BCL7C: variants seen among roughly 807,000 people sequenced by gnomAD.
BCL7C encodes the protein BAF chromatin remodeling complex subunit BCL7C.
Under a neutral mutation model 26.2 loss-of-function variants are expected in BCL7C, and 8 were observed. That is an observed-to-expected ratio of 0.30 (90% CI 0.18 to 0.55). The LOEUF (loss-of-function observed/expected upper bound fraction) is 0.55. BCL7C is among the 20% of genes least tolerant of loss of function. BCL7C has a pLI of 0.93. For missense variants in BCL7C, 262 were observed against 298.5 expected, an observed-to-expected ratio of 0.88 and a Z score of 0.90; for synonymous variants, 90 against 116.5, an observed-to-expected ratio of 0.77 and a Z score of 1.47.
intron 5 of BCL7C, among the ~76,000 whole-genome samples, chr16:30,866,536 C>T (rs1308550390): frequency 6.8e-6 from 1 of 147,160 alleles, no homozygotes; most frequent in Non-Finnish European, 1.5e-5. Context: ...AAGATCGGGC[C>T]ACTGCACTCC....
At chr16:30,849,760 C>T (rs28810190) in intron 5 of BCL7C, among the ~76,000 whole-genome samples, 6 of 141,554 alleles carry the variant, frequency 4.2e-5, no homozygotes, top group Non-Finnish European at 1.5e-5. Flanking sequence ...CTCCTTTTTT[C>T]TTTTTTTTTT....
Position 30,893,528 on chromosome 16 carries a change from C to T in BCL7C, c.93-238G>A, listed in dbSNP as rs2143197913. ...GCCCTGGCTCTGCGGACCCCTGGGG[C>T]ACACATGGGGGGCGTGGCTATGGGC... On this transcript the variant is annotated intron_variant, in intron 1 of 5. Coordinates refer to ENST00000215115, the MANE Select transcript of BCL7C (RefSeq NM_004765.4). The surrounding 1 kb of genome is among the most constrained non-coding windows in gnomAD (Gnocchi z 5.2). 6.6e-6 allele frequency among the ~76,000 whole-genome samples: 1 copy of T among 152,196 alleles called. No individual in the cohort carries two copies. Among genetic ancestry groups the T allele is most frequent in the East Asian group, 1.9e-4 (1 of 5,176 alleles).
chr16:30,883,896 C>T (rs1267719515), downstream of BCL7C, among the ~76,000 whole-genome samples: 10 of 145,772 alleles, frequency 6.9e-5, no homozygotes, highest in Non-Finnish European at 1.4e-4. Flanking sequence ...GAGGCCAAGG[C>T]GGGCGGATCA....
At position 30,887,869 on chromosome 16, in the gene BCL7C, G is replaced by T; in HGVS notation, c.650C>A (p.Pro217His). Residue 217 changes from proline (P) to histidine (H), a missense_variant, in exon 6 of 6, where the codon CCC (proline) becomes CAC (histidine). Physicochemically the swap from Pro to His is moderately conservative, Grantham distance 77. Coordinates refer to ENST00000215115, the MANE Select transcript of BCL7C (RefSeq NM_004765.4). Reference protein sequence around the residue: ...LKRICPNAPDP With the variant: ...LKRICPNAPDH ...CAGGACAGGCAGGCCGGCTTCTCAG[G>T]GGTCAGGGGCATTTGGGCAGATGCG... 2 of 1,578,586 alleles carry T rather than the reference G, an allele frequency of 1.3e-6. No homozygotes were observed. Among genetic ancestry groups the T allele is most frequent in the Non-Finnish European group, 1.7e-6 (2 of 1,165,700 alleles).
chr16:30,851,857 A>T, intron 5 of BCL7C: 1 of 252,988 alleles, frequency 4.0e-6, no homozygotes, highest in Non-Finnish European at 7.9e-6. Flanking sequence ...ACTTTTTGTC[A>T]CACATCACAA....
chr16:30,844,828 T>C (rs1285777218), intron 5 of BCL7C, among the ~76,000 whole-genome samples: 1 of 152,202 alleles, frequency 6.6e-6, no homozygotes, highest in Non-Finnish European at 1.5e-5. Flanking sequence ...CGGGCTGGAC[T>C]TCTAATACAT....
At chr16:30,888,619 G>C (rs921851232) in intron 5 of BCL7C, 2 of 347,376 alleles carry the variant, frequency 5.8e-6, no homozygotes, top group South Asian at 8.4e-5. Context: ...ACAGGCGTGA[G>C]CCACCACGCC....
chr16:30,848,230 G>C (rs540391811), intron 5 of BCL7C, among the ~76,000 whole-genome samples: 12 of 152,286 alleles, frequency 7.9e-5, no homozygotes, highest in Middle Eastern at 6.8e-3. Context: ...TTTATCATGT[G>C]TACTCTATCA....
At chr16:30,856,885 T>A (rs530395911) in intron 5 of BCL7C, among the ~76,000 whole-genome samples, 5 of 152,340 alleles carry the variant, frequency 3.3e-5, no homozygotes, top group Non-Finnish European at 7.3e-5. Flanking sequence ...TTCCTAAGAA[T>A]ATGTCAGAGC....
rs879713052 is a variant in BCL7C, at chr16:30,892,635, T to A, written c.393A>T (p.Pro131=). The A allele has an allele frequency of 9.3e-5, 150 of 1,610,768 alleles. No individual in the cohort carries two copies. Among genetic ancestry groups the A allele is most frequent in the Non-Finnish European group, 6.6e-5 (78 of 1,178,646 alleles). ...GCTGAGCCTCCTCAGGGACCCCTTCTGGGGGTCCGGCAGGTGACACAGGGC... is the reference window on the plus strand; with the variant it reads ...GCTGAGCCTCCTCAGGGACCCCTTCAGGGGGTCCGGCAGGTGACACAGGGC... ...PSRPVSPAGP[P]EGVPEEAQPP... is the part of the protein sequence containing the mutation. Residue 131 remains proline, a synonymous_variant, in exon 4 of 6, where the codon CCA becomes CCT. Transcript: ENST00000215115.
intron 5 of BCL7C, among the ~76,000 whole-genome samples, chr16:30,850,778 A>T (rs2054668161): frequency 6.6e-6 from 1 of 152,182 alleles, no homozygotes; most frequent in East Asian, 1.9e-4. Flanking sequence ...GCCCTAGATG[A>T]GTTAGTAAGT....
In BCL7C at chr16:30,893,130, G is replaced by A. The variant is rs138080236; in HGVS notation, c.171+82C>T. On this transcript the variant is annotated intron_variant, in intron 2 of 5. Transcript: ENST00000215115. The surrounding 1 kb of genome is among the most constrained non-coding windows in gnomAD (Gnocchi z 5.2). ...CCTGCTGCATCTGAGGTCTCGGGGA[G>A]CTGGAGGTAGAGGTCAGCGTGGGGA... 1.6e-4 allele frequency: 234 copies of A among 1,437,430 alleles called. 1 individual carries two copies. In the East Asian group the frequency reaches 5.2e-3, roughly 32 times the overall value. 89.0% of individuals were successfully genotyped at this position (1,437,430 alleles called of 1,614,324 possible). A position where few individuals can be genotyped will look rare whatever the true frequency, so the allele number is the denominator to read the frequency against.
At chr16:30,838,976 CT>C (rs1202573102) in intron 5 of BCL7C, among the ~76,000 whole-genome samples, 1 of 152,168 alleles carries the variant, frequency 6.6e-6, no homozygotes, top group Admixed American at 6.5e-5. Context: ...AAAAATGTCT[CT>C]ATGACAATAG....
intron 5 of BCL7C, among the ~76,000 whole-genome samples, chr16:30,857,393 A>C (rs2054732316): frequency 6.6e-6 from 1 of 151,562 alleles, no homozygotes; most frequent in Non-Finnish European, 1.5e-5. Flanking sequence ...ATCTCAAAAA[A>C]AAAAAAAAAA....
In BCL7C at chr16:30,892,612, T is replaced by C. The variant is rs772612692; in HGVS notation, c.416A>G (p.Gln139Arg). The C allele has an allele frequency of 1.3e-6, 2 of 1,594,696 alleles. No individual in the cohort carries two copies. The highest frequency in any genetic ancestry group is 4.5e-5 in the East Asian group (2 of 44,806). ...TCTCTCTTGGCCCAGCCGTGGGGGC[T>C]GAGCCTCCTCAGGGACCCCTTCTGG... ...GPPEGVPEEA[Q>R]PPRLGQERDP... The change falls in exon 4 of 6, where the codon CAG (glutamine) becomes CGG (arginine). Residue 139 changes from glutamine (Q) to arginine (R), a missense_variant. By Grantham distance (43) the Gln-to-Arg change is conservative (BLOSUM62 1). Coordinates refer to ENST00000215115, the MANE Select transcript of BCL7C (RefSeq NM_004765.4).
At chr16:30,876,423 G>T (rs1228139254) in intron 5 of BCL7C, among the ~76,000 whole-genome samples, 1 of 152,206 alleles carries the variant, frequency 6.6e-6, no homozygotes, top group Non-Finnish European at 1.5e-5. Context: ...CAGGAGAAAT[G>T]TAACCAGAAA....
intron 5 of BCL7C, among the ~76,000 whole-genome samples, chr16:30,837,069 C>T (rs555520976): frequency 1.5e-4 from 23 of 152,074 alleles, no homozygotes; most frequent in Non-Finnish European, 2.9e-4. Flanking sequence ...GCTGGGATTA[C>T]AGGCATGAGC....
intron 5 of BCL7C, among the ~76,000 whole-genome samples, chr16:30,861,775 T>G (rs1213017816): frequency 6.6e-6 from 1 of 152,090 alleles, no homozygotes; most frequent in African/African-American, 2.4e-5. Flanking sequence ...AGGGACTGTT[T>G]CCGTAACTGT....
At chr16:30,890,547 GAAAA>G (rs1390220481) in intron 4 of BCL7C, among the ~76,000 whole-genome samples, 4 of 151,542 alleles carry the variant, frequency 2.6e-5, no homozygotes, top group African/African-American at 9.7e-5. Flanking sequence ...AATTAAATGA[GAAAA>G]AAACACGTAA....
Sources: gnomAD v4.1 joint callset for allele counts (sites outside exome capture counted in the v4.1 genomes callset) on GRCh38, gnomAD v4.1.1 for gene constraint, Gnocchi (gnomAD v3.1) non-coding constraint, MANE v1.5 for transcripts, NCBI Gene and HGNC (gene_info 2026-07-23, HGNC 2026-07-21) for gene names.